The following CAMK1 variants were observed in gnomAD, a reference collection of about 807,000 sequenced individuals.
The protein encoded by CAMK1 is calcium/calmodulin-dependent protein kinase type 1.
In CAMK1, 39 loss-of-function variants were observed where a neutral mutation model predicts 49.1. The observed-to-expected ratio is 0.79, with a 90% CI of 0.62 to 1.04. The LOEUF (loss-of-function observed/expected upper bound fraction) is 1.04. CAMK1 is among the 50% of genes least tolerant of loss of function. The probability of loss-of-function intolerance (pLI) is 0.00; values close to 1 mark genes in which losing one functional copy is unlikely to be tolerated. For missense variants in CAMK1, 457 were observed against 472.2 expected, an observed-to-expected ratio of 0.97 and a Z score of 0.30; for synonymous variants, 192 against 185.2, an observed-to-expected ratio of 1.04 and a Z score of -0.30.
chr3:9,763,993 AATAT>A (rs146785722), intron 3 of CAMK1, among the ~76,000 whole-genome samples: 4 of 152,002 alleles, frequency 2.6e-5, no homozygotes, highest in Non-Finnish European at 4.4e-5. Context: ...TCTCAAAAAA[AATAT>A]ATATATATAG....
chr3:9,766,581 C>G lies in CAMK1; in HGVS notation c.84-691G>C. The G allele has an allele frequency of 3.4e-6, 3 of 894,696 alleles. No homozygotes were observed. The South Asian group carries it at 6.4e-5, about 19-fold the overall frequency. The allele number at this position is 894,696 out of a possible 1,614,324, so 55.4% of individuals were successfully genotyped here. A position where few individuals can be genotyped will look rare whatever the true frequency, so the allele number is the denominator to read the frequency against. On this transcript the variant is annotated intron_variant, in intron 2 of 11. Coordinates refer to ENST00000256460, the MANE Select transcript of CAMK1 (RefSeq NM_003656.5). ...AAAATCCTCAGGTGATTTGTATGCT[C>G]ATTGAACTTTAAGAAGCAGTGTTTT...
In CAMK1 at chr3:9,767,548, A is replaced by G. The variant is rs2078188171; in HGVS notation, c.83+119T>C. 4 of 1,316,052 alleles carry G rather than the reference A, an allele frequency of 3.0e-6. No individual in the cohort carries two copies. The Admixed American group carries it at 7.4e-5, about 24-fold the overall frequency. 81.5% of individuals were successfully genotyped at this position (1,316,052 alleles called of 1,614,324 possible). On this transcript the variant is annotated intron_variant, in intron 2 of 11. Coordinates refer to ENST00000256460, the MANE Select transcript of CAMK1 (RefSeq NM_003656.5). Reference sequence around the variant, plus strand: ...AAGCTGGGGACAGTTTAGGCCCTAGATAGTGCTGCCACAGGGCCTGGGCTG... The same window carrying G: ...AAGCTGGGGACAGTTTAGGCCCTAGGTAGTGCTGCCACAGGGCCTGGGCTG...
intron 2 of CAMK1, 156 bp from the exon 3 acceptor site, chr3:9,766,046 C>A: frequency 6.2e-7 from 1 of 1,600,628 alleles, no homozygotes; most frequent in South Asian, 1.1e-5. Flanking sequence ...CAGAGATGGT[C>A]ACATGACCCA....
At chr3:9,768,707 G>A (rs951378697) in intron 1 of CAMK1, among the ~76,000 whole-genome samples, 1 of 152,194 alleles carries the variant, frequency 6.6e-6, no homozygotes, top group Non-Finnish European at 1.5e-5. Flanking sequence ...CCACAGATGA[G>A]GCCAAAACAG....
At position 9,761,449 on chromosome 3, in the gene CAMK1, A is replaced by T. The variant is rs1166449879; in HGVS notation, c.632+12T>A. ...CTGGAGCCACAGCCTACCATGGCCAAGCCCCACTTACAAGATGTAGGCGAT... is the reference window on the plus strand; with the variant it reads ...CTGGAGCCACAGCCTACCATGGCCATGCCCCACTTACAAGATGTAGGCGAT... On this transcript the variant is annotated intron_variant, in intron 7 of 11. Transcript: ENST00000256460. The T allele has an allele frequency of 8.1e-6, 13 of 1,605,960 alleles. No homozygotes were observed. Among genetic ancestry groups the T allele is most frequent in the African/African-American group, 1.3e-5 (1 of 74,848 alleles).
At chr3:9,760,499 A>G (rs1276170964) in intron 8 of CAMK1, 157 bp downstream of exon 8, 2 of 653,154 alleles carry the variant, frequency 3.1e-6, no homozygotes, top group Non-Finnish European at 5.4e-6. Flanking sequence ...GTACCCAAGC[A>G]GAAGGAAGAA....
At position 9,759,541 on chromosome 3, in the gene CAMK1, G is replaced by A; in HGVS notation, c.859C>T (p.His287Tyr). The stretch of plus-strand genomic sequence containing the variant: ...TTGATCTGCTCACTCACCGACTGGT[G>A]GATATTCTTATCTAGAGCTGTATCT... ...AGDTALDKNIHQSVSEQIKKN... is the reference protein window; with the variant it reads ...AGDTALDKNIYQSVSEQIKKN... Residue 287 changes from histidine (H) to tyrosine (Y), a missense_variant, in exon 10 of 12, where the codon CAC becomes TAC. Physicochemically the swap from His to Tyr is moderately conservative, Grantham distance 83 (BLOSUM62 2). Coordinates refer to ENST00000256460, the MANE Select transcript of CAMK1 (RefSeq NM_003656.5). 2 of 1,614,126 alleles carry A rather than the reference G, an allele frequency of 1.2e-6. No individual in the cohort carries two copies. The highest frequency in any genetic ancestry group is 1.7e-6 in the Non-Finnish European group (2 of 1,180,020).
At position 9,757,650 on chromosome 3, in the gene CAMK1, C is replaced by A. The variant is rs528036291; in HGVS notation, c.1031-29G>T. The A allele has an allele frequency of 5.0e-6, 8 of 1,614,078 alleles. No homozygotes were observed. In the Middle Eastern group the frequency reaches 6.6e-4, roughly 133 times the overall value. ...CATGGGAAGACAGAACAGAGGTGGC[C>A]GCAGGGGCAGGCCCTCCACTCCAGC... is the stretch of plus-strand genomic sequence containing the variant. On this transcript the variant is annotated intron_variant, in intron 11 of 11. Coordinates refer to ENST00000256460, the MANE Select transcript of CAMK1 (RefSeq NM_003656.5). The surrounding 1 kb of genome is among the most constrained non-coding windows in gnomAD (Gnocchi z 4.5).
intron 3 of CAMK1, 103 bp from the exon 4 acceptor site, chr3:9,763,316 C>A (rs2077979305): frequency 3.4e-6 from 5 of 1,455,016 alleles, no homozygotes; most frequent in Non-Finnish European, 4.7e-6. Flanking sequence ...TCACTTGGCC[C>A]CAGCAGTTCA....
Position 9,761,623 on chromosome 3 carries a change from C to T in CAMK1, c.556+8G>A, listed in dbSNP as rs573587111. ...ACCATCACAGCCCCAGCCCAGGGCC[C>T]TCCGCACCCACGTATCCCGGAGTTC... On this transcript the variant is annotated splice_region_variant and intron_variant, in intron 6 of 11. Coordinates refer to ENST00000256460, the MANE Select transcript of CAMK1 (RefSeq NM_003656.5). 1.2e-6 allele frequency: 2 copies of T among 1,614,136 alleles called. No homozygotes were observed. Among genetic ancestry groups the T allele is most frequent in the African/African-American group, 1.3e-5 (1 of 75,032 alleles).
Position 9,759,498 on chromosome 3 carries a change from C to G in CAMK1, c.902G>C (p.Ser301Thr), listed in dbSNP as rs1306048914. The change falls in exon 10 of 12, where the codon AGC (serine) becomes ACC (threonine). Residue 301 changes from serine to threonine, a missense_variant. Ser to Thr is a moderately conservative substitution (Grantham distance 58). Transcript: ENST00000256460. The stretch of plus-strand genomic sequence containing the variant: ...GGGATATGGACTCACCTTCCACTTG[C>G]TCTTGGCAAAGTTCTTCTTGATCTG... ...SEQIKKNFAKSKWKQAFNATA... is the reference protein window; with the variant it reads ...SEQIKKNFAKTKWKQAFNATA... The G allele has an allele frequency of 6.2e-7, 1 of 1,614,064 alleles. No individual in the cohort carries two copies. The highest frequency in any genetic ancestry group is 1.3e-5 in the African/African-American group (1 of 74,912).
chr3:9,763,214 C>G lies in CAMK1; in HGVS notation c.216-1G>C. Reference sequence around the variant, plus strand: ...GGCTACAATGTTGGGGTGCTTGATCCTGAAAGGAGAAATGAGGTGGTTTAG... The same window carrying G: ...GGCTACAATGTTGGGGTGCTTGATCGTGAAAGGAGAAATGAGGTGGTTTAG... On this transcript the variant is annotated splice_acceptor_variant, in intron 3 of 11. Coordinates refer to ENST00000256460, the MANE Select transcript of CAMK1 (RefSeq NM_003656.5). LOFTEE classifies it high-confidence loss of function. The G allele has an allele frequency of 6.2e-7, 1 of 1,613,790 alleles. No individual in the cohort carries two copies. Among genetic ancestry groups the G allele is most frequent in the Non-Finnish European group, 8.5e-7 (1 of 1,180,006 alleles).
At chr3:9,769,443 C>G (rs1412062920) in intron 1 of CAMK1, among the ~76,000 whole-genome samples, 1 of 152,164 alleles carries the variant, frequency 6.6e-6, no homozygotes, top group Non-Finnish European at 1.5e-5. Flanking sequence ...GCACACAAAA[C>G]ACGTGGACAC....
In CAMK1 at chr3:9,761,231, G is replaced by A. The variant is rs976007463; in HGVS notation, c.632+230C>T. On this transcript the variant is annotated intron_variant, in intron 7 of 11. Transcript: ENST00000256460. ...CTAGAAAGAAAGTCAGCTCCCTGAG[G>A]GCAGGCACTTTGTCTGGTTTGTGCT... 4 of 478,328 alleles carry A rather than the reference G, an allele frequency of 8.4e-6. No individual in the cohort carries two copies. The Admixed American group carries it at 1.1e-4, about 13-fold the overall frequency. 29.6% of individuals were successfully genotyped at this position (478,328 alleles called of 1,614,324 possible).
At chr3:9,760,086 CA>C in intron 8 of CAMK1, 14 of 220,290 alleles carry the variant, frequency 6.4e-5, no homozygotes, top group South Asian at 2.0e-4. Context: ...ACTAAAAATA[CA>C]AAAAAAATTA....
chr3:9,763,186 C>A lies in CAMK1; in HGVS notation c.243G>T (p.Leu81=). The A allele has an allele frequency of 6.2e-7, 1 of 1,613,940 alleles. No homozygotes were observed. The highest frequency in any genetic ancestry group is 8.5e-7 in the Non-Finnish European group (1 of 1,180,022). Residue 81 remains leucine (L), a synonymous_variant, in exon 4 of 12, where the codon CTG becomes CTT. Coordinates refer to ENST00000256460, the MANE Select transcript of CAMK1 (RefSeq NM_003656.5). ...GGCCCCCACTCTCATAGATGTCATC[C>A]AGGGCTACAATGTTGGGGTGCTTGA... The part of the protein sequence containing the change: ...HKIKHPNIVA[L]DDIYESGGHL...
At position 9,761,443 on chromosome 3, in the gene CAMK1, T is replaced by C. The variant is rs1378412397; in HGVS notation, c.632+18A>G. Reference sequence around the variant, plus strand: ...ACAACTCTGGAGCCACAGCCTACCATGGCCAAGCCCCACTTACAAGATGTA... The same window carrying C: ...ACAACTCTGGAGCCACAGCCTACCACGGCCAAGCCCCACTTACAAGATGTA... On this transcript the variant is annotated intron_variant, in intron 7 of 11. Transcript: ENST00000256460. The C allele has an allele frequency of 1.2e-6, 2 of 1,602,352 alleles. No individual in the cohort carries two copies. Among genetic ancestry groups the C allele is most frequent in the African/African-American group, 1.3e-5 (1 of 74,628 alleles).
chr3:9,761,427 G>A lies in CAMK1; in HGVS notation c.632+34C>T, dbSNP rs756777556. On this transcript the variant is annotated intron_variant, in intron 7 of 11. Transcript: ENST00000256460. ...GAAAGTAGGCGAGAGGACAACTCTG[G>A]AGCCACAGCCTACCATGGCCAAGCC... 3.8e-6 allele frequency: 6 copies of A among 1,585,956 alleles called. No homozygotes were observed. In the South Asian group the frequency reaches 6.8e-5, roughly 18 times the overall value.
chr3:9,759,958 T>C (rs2077771511), intron 8 of CAMK1: 1 of 665,746 alleles, frequency 1.5e-6, no homozygotes, highest in Admixed American at 2.9e-5. Flanking sequence ...AAGAAAAACA[T>C]ATGGCCGGGC....
Sources: gnomAD v4.1 joint callset for allele counts (sites outside exome capture counted in the v4.1 genomes callset) on GRCh38, gnomAD v4.1.1 for gene constraint, Gnocchi (gnomAD v3.1) non-coding constraint, MANE v1.5 for transcripts, NCBI Gene and HGNC (gene_info 2026-07-23, HGNC 2026-07-21) for gene names.